The following SEMA5A variants were observed in gnomAD, a reference collection of about 807,000 sequenced individuals.
The protein encoded by SEMA5A is semaphorin 5A.
In SEMA5A, 55 loss-of-function variants were observed where a neutral mutation model predicts 135.5. The observed-to-expected ratio is 0.41, with a 90% CI of 0.33 to 0.51. The LOEUF (loss-of-function observed/expected upper bound fraction) is 0.51. Ranked by LOEUF, SEMA5A falls within the 20% of genes least tolerant of loss-of-function variation. SEMA5A has a pLI of 0.37. For synonymous variants in SEMA5A, 580 were observed against 546.5 expected (o/e 1.06, Z -0.85); for missense variants, 1,290 against 1,419.9 (o/e 0.91, Z 1.47).
intron 16 of SEMA5A, among the ~76,000 whole-genome samples, chr5:9,094,337 A>T (rs1024139864): frequency 1.3e-5 from 2 of 152,204 alleles, no homozygotes; most frequent in Non-Finnish European, 2.9e-5. Flanking sequence ...ATCATGTGAG[A>T]TCACACCAAG....
intron 1 of SEMA5A, among the ~76,000 whole-genome samples, chr5:9,506,227 C>T (rs534277266): frequency 3.3e-5 from 5 of 152,266 alleles, no homozygotes; most frequent in Admixed American, 1.3e-4. Flanking sequence ...ATGTAAATTG[C>T]TTTAAATTCA....
intron 1 of SEMA5A, among the ~76,000 whole-genome samples, chr5:9,533,766 A>G (rs568255872): frequency 6.3e-4 from 96 of 152,354 alleles, no homozygotes; most frequent in Non-Finnish European, 9.6e-4. Context: ...GAGAAGTCTA[A>G]GGCCAAATTC....
chr5:9,136,504 C>T lies in SEMA5A; in HGVS notation c.1599G>A (p.Pro533=), dbSNP rs769684645. The part of the protein sequence containing the change: ...TQWEQSISAC[P]TRNLTVDGHF... ...GAGGATGGAGAAGGTGGGCACTCACCGGACACGCAGAGATGCTCTGTTCCC... is the reference window on the plus strand; with the variant it reads ...GAGGATGGAGAAGGTGGGCACTCACTGGACACGCAGAGATGCTCTGTTCCC... The change falls in exon 13 of 23, where the codon CCG becomes CCA. Residue 533 remains proline (P), a splice_region_variant and synonymous_variant. Transcript: ENST00000382496. 7 of 1,612,458 alleles carry T rather than the reference C, an allele frequency of 4.3e-6. No individual in the cohort carries two copies. The highest frequency in any genetic ancestry group is 1.3e-5 in the African/African-American group (1 of 74,888).
intron 1 of SEMA5A, among the ~76,000 whole-genome samples, chr5:9,504,224 G>GAAAAAAAAAAA: frequency 9.6e-6 from 1 of 104,410 alleles, no homozygotes; most frequent in African/African-American, 3.7e-5. Flanking sequence ...AAAAAAAAAA[G>GAAAAAAAAAAA]AAAAAAAAAA....
At chr5:9,257,576 G>T in intron 5 of SEMA5A, among the ~76,000 whole-genome samples, 1 of 150,704 alleles carries the variant, frequency 6.6e-6, no homozygotes, top group East Asian at 2.0e-4. Flanking sequence ...TTATACTAGG[G>T]ACTGAGATTC....
chr5:9,533,028 G>T (rs371100179), intron 1 of SEMA5A, among the ~76,000 whole-genome samples: 1 of 152,136 alleles, frequency 6.6e-6, no homozygotes, highest in African/African-American at 2.4e-5. Flanking sequence ...ACAAATAGAG[G>T]TTATTCTTTT....
At chr5:9,173,138 AC>A (rs1744017234) in intron 11 of SEMA5A, among the ~76,000 whole-genome samples, 1 of 152,170 alleles carries the variant, frequency 6.6e-6, no homozygotes, top group South Asian at 2.1e-4. Flanking sequence ...ATGAAATGGC[AC>A]TGTTGAAGAT....
At position 9,039,917 on chromosome 5, in the gene SEMA5A, G is replaced by T. The variant is rs1000644814; in HGVS notation, c.*2980C>A. On this transcript the variant is annotated 3_prime_UTR_variant, in exon 23 of 23. Transcript: ENST00000382496. ...TGCACTGTAAAATCAATAGTAGATGGTGATGAGTCTGGCCTCAAGAAAGGA... is the reference window on the plus strand; with the variant it reads ...TGCACTGTAAAATCAATAGTAGATGTTGATGAGTCTGGCCTCAAGAAAGGA... 2 of 152,192 alleles carry T rather than the reference G, an allele frequency of 1.3e-5. No individual in the cohort carries two copies. The highest frequency in any genetic ancestry group is 4.8e-5 in the African/African-American group (2 of 41,432). 9.4% of individuals were successfully genotyped at this position (152,192 alleles called of 1,614,324 possible).
At chr5:9,099,996 T>C (rs1487988268) in intron 16 of SEMA5A, among the ~76,000 whole-genome samples, 1 of 152,190 alleles carries the variant, frequency 6.6e-6, no homozygotes, top group Non-Finnish European at 1.5e-5. Flanking sequence ...AAAAATGACT[T>C]TTCTTTCATG....
At chr5:9,117,072 T>G (rs1740553435) in intron 15 of SEMA5A, among the ~76,000 whole-genome samples, 1 of 152,234 alleles carries the variant, frequency 6.6e-6, no homozygotes, top group South Asian at 2.1e-4. Context: ...ATTGAGCAAA[T>G]GCTAATCTAC....
chr5:9,080,394 G>A (rs1387507643), intron 16 of SEMA5A, among the ~76,000 whole-genome samples: 2 of 152,126 alleles, frequency 1.3e-5, no homozygotes, highest in Non-Finnish European at 2.9e-5. Context: ...AGGGGAGCCG[G>A]TTGGGGGTGG....
chr5:9,137,975 T>A (rs1366611342), intron 12 of SEMA5A, among the ~76,000 whole-genome samples: 1 of 152,026 alleles, frequency 6.6e-6, no homozygotes, highest in African/African-American at 2.4e-5. Flanking sequence ...GAAAGATCGA[T>A]TTGAAGGCTG....
chr5:9,293,791 T>C (rs1047731194), intron 5 of SEMA5A, among the ~76,000 whole-genome samples: 2 of 152,212 alleles, frequency 1.3e-5, no homozygotes, highest in Admixed American at 6.5e-5. Flanking sequence ...TTAGTAATAA[T>C]GTTTAGGCTA....
rs1199742274 is a variant in SEMA5A at position 9,455,254 on chromosome 5, TTTA to T, written c.-174-17405_-174-17403del. ...AATTTATTTTATTTTATTTTATTTATTTATTTTTTTTTTTTTTTTGAGACAGAA... is the reference window on the plus strand; with the variant it reads ...AATTTATTTTATTTTATTTTATTTATTTTTTTTTTTTTTTTTGAGACAGAA... On this transcript the variant is annotated intron_variant, in intron 1 of 22. Coordinates refer to ENST00000382496, the MANE Select transcript of SEMA5A (RefSeq NM_003966.3). Among the ~76,000 whole-genome samples, 413 of 139,356 alleles carry T rather than the reference TTTA, an allele frequency of 3.0e-3. 3 individuals carry two copies. The highest frequency in any genetic ancestry group is 0.012 in the African/African-American group (395 of 33,326). 91.4% of individuals were successfully genotyped at this position (139,356 alleles called of 152,430 possible). A position where few individuals can be genotyped will look rare whatever the true frequency, so the allele number is the denominator to read the frequency against.
At chr5:9,242,711 C>T (rs1329101371) in intron 5 of SEMA5A, among the ~76,000 whole-genome samples, 2 of 152,242 alleles carry the variant, frequency 1.3e-5, no homozygotes, top group South Asian at 2.1e-4. Context: ...CAAATCTCCA[C>T]TGAAGAACTT....
At chr5:9,242,620 A>C (rs1748262070) in intron 5 of SEMA5A, among the ~76,000 whole-genome samples, 1 of 152,162 alleles carries the variant, frequency 6.6e-6, no homozygotes, top group Admixed American at 6.5e-5. Flanking sequence ...TATGGGGAAG[A>C]GTGGGAGCGG....
intron 1 of SEMA5A, among the ~76,000 whole-genome samples, chr5:9,457,744 G>A (rs1001665990): frequency 1.3e-5 from 2 of 151,908 alleles, no homozygotes; most frequent in Non-Finnish European, 2.9e-5. Flanking sequence ...TATTAGGAAG[G>A]TTTTTTTCCT....
At chr5:9,183,988 C>T (rs765985392) in intron 11 of SEMA5A, among the ~76,000 whole-genome samples, 1 of 152,134 alleles carries the variant, frequency 6.6e-6, no homozygotes, top group Non-Finnish European at 1.5e-5. Flanking sequence ...GAGTGTTCCC[C>T]TATTTTGGTT....
At chr5:9,068,213 C>T (rs1027087999) in intron 16 of SEMA5A, among the ~76,000 whole-genome samples, 6 of 152,150 alleles carry the variant, frequency 3.9e-5, no homozygotes, top group Non-Finnish European at 8.8e-5. Flanking sequence ...TTGTTTTCTG[C>T]TCTGATTTAG....
Sources: gnomAD v4.1 joint callset for allele counts (sites outside exome capture counted in the v4.1 genomes callset) on GRCh38, gnomAD v4.1.1 for gene constraint, MANE v1.5 for transcripts, NCBI Gene and HGNC (gene_info 2026-07-23, HGNC 2026-07-21) for gene names.